Variants in WDR1 observed in about 807,000 individuals in gnomAD.
WDR1 encodes WD repeat domain 1, also known as WD repeat-containing protein 1.
WDR1 carries 21 observed loss-of-function variants against 71.9 expected under a neutral mutation model. That is an observed-to-expected ratio of 0.29 (90% CI 0.21 to 0.42). WDR1 has a LOEUF of 0.42. Ranked by LOEUF, WDR1 falls within the 10% of genes least tolerant of loss-of-function variation. The pLI, the probability that WDR1 is intolerant of heterozygous loss-of-function variation, is 1.00. For synonymous variants in WDR1, 424 were observed against 347.4 expected (o/e 1.22, Z -2.45); for missense variants, 696 against 824.5 (o/e 0.84, Z 1.91).
At chr4:10,083,287 A>T in intron 9 of WDR1, 109 bp from the exon 10 acceptor site, 1 of 1,360,660 alleles carries the variant, frequency 7.3e-7, no homozygotes, top group East Asian at 2.5e-5. Flanking sequence ...ATCTCGCCGC[A>T]AACGGACATA....
At chr4:10,099,178 G>T (rs531021814) in intron 3 of WDR1, 39 bp from the exon 4 acceptor site, 1 of 946,138 alleles carries the variant, frequency 1.1e-6, no homozygotes, top group East Asian at 3.9e-5. Flanking sequence ...GGGAGGCGGT[G>T]GTGGGGTAAA....
chr4:10,092,270 T>C (rs1712042519), intron 5 of WDR1: 1 of 152,168 alleles, frequency 6.6e-6, no homozygotes, highest in Non-Finnish European at 1.5e-5. Flanking sequence ...GATGAGTGGG[T>C]GGGACAGTGG....
At chr4:10,085,184 G>T (rs1317697066) in intron 8 of WDR1, among the ~76,000 whole-genome samples, 1 of 152,232 alleles carries the variant, frequency 6.6e-6, no homozygotes, top group African/African-American at 2.4e-5. Context: ...AAAAATAACA[G>T]CTAGGGTGCA....
intron 8 of WDR1, among the ~76,000 whole-genome samples, chr4:10,084,886 C>T (rs901043895): frequency 2.6e-5 from 4 of 152,236 alleles, no homozygotes; most frequent in East Asian, 3.9e-4. Context: ...CGACCAGCAC[C>T]CGTCGCGGGG....
rs1304956487 is a variant in WDR1, at chr4:10,077,790, T to C, written c.1532A>G (p.Lys511Arg). The change falls in exon 13 of 15, where the codon AAG (lysine) becomes AGG (arginine). Residue 511 changes from lysine to arginine, a missense_variant. Lys to Arg is a conservative substitution (Grantham distance 26). Transcript: ENST00000499869. ...GAFLAVCDASKVVTVFSVADG... is the reference protein window; with the variant it reads ...GAFLAVCDASRVVTVFSVADG... ...AGCAACGCTGAACACTGTGACCACC[T>C]TGCTGGCGTCGCACACCGCGAGGAA... 1.9e-6 allele frequency: 3 copies of C among 1,602,714 alleles called. No homozygotes were observed. The highest frequency in any genetic ancestry group is 2.6e-6 in the Non-Finnish European group (3 of 1,174,990).
intron 2 of WDR1, among the ~76,000 whole-genome samples, chr4:10,111,280 A>G (rs974405294): frequency 6.6e-6 from 1 of 152,110 alleles, no homozygotes; most frequent in Admixed American, 6.5e-5. Flanking sequence ...GCTCAGTGCC[A>G]CAGTAACAGC....
At chr4:10,106,751 C>T (rs1420006128) in intron 2 of WDR1, among the ~76,000 whole-genome samples, 1 of 152,224 alleles carries the variant, frequency 6.6e-6, no homozygotes, top group Non-Finnish European at 1.5e-5. Flanking sequence ...CTAAATACAA[C>T]TGGGTCAGCG....
At chr4:10,098,849 AC>A in intron 4 of WDR1, 142 bp downstream of exon 4, 1 of 1,216,330 alleles carries the variant, frequency 8.2e-7, no homozygotes, top group Non-Finnish European at 1.2e-6. Flanking sequence ...GCCAGCCCTC[AC>A]GGGGCCCGGC....
At chr4:10,090,165 C>T (rs550460914) in intron 5 of WDR1, among the ~76,000 whole-genome samples, 1 of 152,174 alleles carries the variant, frequency 6.6e-6, no homozygotes, top group African/African-American at 2.4e-5. Context: ...CTTCTGACTT[C>T]CAGAGAATAA....
At chr4:10,093,786 G>A (rs1199222102) in intron 5 of WDR1, among the ~76,000 whole-genome samples, 4 of 146,812 alleles carry the variant, frequency 2.7e-5, no homozygotes. Flanking sequence ...AGGCGGTCCT[G>A]CATGCCCATC....
chr4:10,092,337 A>G lies in WDR1; in HGVS notation c.559-3596T>C, dbSNP rs1051730788. ...AACTAATCAGCCACTGTTCAATTCC[A>G]ACCTGTCACAAGTGCCCATTTCAGT... is the stretch of plus-strand genomic sequence containing the variant. On this transcript the variant is annotated intron_variant, in intron 5 of 14. Transcript: ENST00000499869. 3.9e-5 allele frequency: 6 copies of G among 152,342 alleles called. 1 individual carries two copies. Among genetic ancestry groups the G allele is most frequent in the African/African-American group, 1.4e-4 (6 of 41,458 alleles). 9.4% of individuals were successfully genotyped at this position (152,342 alleles called of 1,614,324 possible).
At chr4:10,114,251 T>C (rs1220862351) in intron 2 of WDR1, among the ~76,000 whole-genome samples, 1 of 152,028 alleles carries the variant, frequency 6.6e-6, no homozygotes, top group African/African-American at 2.4e-5. Flanking sequence ...GAGAAGAAAA[T>C]GGCAAACCAC....
At position 10,081,670 on chromosome 4, in the gene WDR1, G is replaced by T. The variant is rs1282644570; in HGVS notation, c.1197-226C>A. On this transcript the variant is annotated intron_variant, in intron 10 of 14. Transcript: ENST00000499869. ...TGGGGGCCCGGGGAGGGGTGGGGGG[G>T]GGGGAAGGAGGGGCGGGAGGCGGTG... 3.0e-5 allele frequency among the ~76,000 whole-genome samples: 4 copies of T among 134,612 alleles called. No individual in the cohort carries two copies. The Admixed American group carries it at 3.0e-4, about 10-fold the overall frequency. The allele number at this position is 134,612 out of a possible 152,430, so 88.3% of individuals were successfully genotyped here.
At chr4:10,116,058 T>A in intron 2 of WDR1, 55 bp downstream of exon 2, 14 of 1,586,956 alleles carry the variant, frequency 8.8e-6, no homozygotes, top group Non-Finnish European at 1.1e-5. Flanking sequence ...AGGCGAATTA[T>A]CCCATCCCAA....
intron 3 of WDR1, 120 bp downstream of exon 3, chr4:10,103,776 T>TG: frequency 5.6e-6 from 1 of 180,008 alleles, no homozygotes; most frequent in East Asian, 1.5e-4. Context: ...CCCAGCCTGC[T>TG]CCCCCACCCC....
At chr4:10,087,438 C>G (rs975123897) in intron 8 of WDR1, among the ~76,000 whole-genome samples, 2 of 152,254 alleles carry the variant, frequency 1.3e-5, no homozygotes, top group Admixed American at 1.3e-4. Flanking sequence ...GGGGTGATGG[C>G]CACTGCCCCG....
chr4:10,097,315 C>T (rs746185032), intron 5 of WDR1, among the ~76,000 whole-genome samples: 6 of 152,266 alleles, frequency 3.9e-5, no homozygotes, highest in Non-Finnish European at 7.3e-5. Flanking sequence ...AGAGACCAAT[C>T]TGGATGTCCC....
At chr4:10,101,435 C>G (rs1712678889) in intron 3 of WDR1, among the ~76,000 whole-genome samples, 1 of 152,242 alleles carries the variant, frequency 6.6e-6, no homozygotes, top group South Asian at 2.1e-4. Context: ...CCCACTTCAT[C>G]TCTGCAGCAA....
chr4:10,100,551 G>C (rs1036567198), intron 3 of WDR1, among the ~76,000 whole-genome samples: 2 of 152,228 alleles, frequency 1.3e-5, no homozygotes, highest in Non-Finnish European at 2.9e-5. Context: ...AGATGAGGGA[G>C]ATGCACGTAA....
Sources: allele counts gnomAD v4.1 joint callset (sites outside exome capture counted in the v4.1 genomes callset), GRCh38; gene constraint gnomAD v4.1.1; transcripts MANE v1.5; gene names NCBI Gene and HGNC (gene_info 2026-07-23, HGNC 2026-07-21).